STS: variants seen among roughly 807,000 people sequenced by gnomAD.
STS encodes the protein steroid sulfatase.
Under a neutral mutation model 26.8 loss-of-function variants are expected in STS, and 7 were observed. That is an observed-to-expected ratio of 0.26 (90% confidence interval 0.15 to 0.49). The LOEUF is 0.49. Ranked by LOEUF, STS falls within the 20% of genes least tolerant of loss-of-function variation. STS has a pLI of 0.98. For synonymous variants in STS, 199 were observed against 189.4 expected, an observed-to-expected ratio of 1.05 and a Z score of -0.42; for missense variants, 434 against 465.6, an observed-to-expected ratio of 0.93 and a Z score of 0.63.
chrX:7,333,512 C>T (rs1194534254), intron 9 of STS, among the ~76,000 whole-genome samples: 1 of 112,208 alleles, frequency 8.9e-6, no homozygotes, highest in Non-Finnish European at 1.9e-5. Context: ...CAAGTTGCCT[C>T]ATGCAATATA....
At chrX:7,234,834 C>CAATATAAGTTTCAATATATA (rs2147062971) in intron 2 of STS, among the ~76,000 whole-genome samples, 1 of 112,135 alleles carries the variant, frequency 8.9e-6, no homozygotes, top group East Asian at 2.8e-4. Context: ...ATATATGTTT[C>CAATATAAGTTTCAATATATA]TAGACGTGTT....
chrX:7,152,241 C>T (rs183539530), intron 1 of STS, among the ~76,000 whole-genome samples: 8 of 112,158 alleles, frequency 7.1e-5, no homozygotes, highest in Non-Finnish European at 9.4e-5. Flanking sequence ...CGTGAGCCAC[C>T]ACGCCCGGCC....
At chrX:7,318,619 A>G (rs1926825827) in intron 8 of STS, among the ~76,000 whole-genome samples, 1 of 111,792 alleles carries the variant, frequency 8.9e-6, no homozygotes, top group Non-Finnish European at 1.9e-5. Context: ...ACTCAGAACT[A>G]TTAATACAAG....
At chrX:7,235,567 T>C (rs1354260135) in intron 2 of STS, among the ~76,000 whole-genome samples, 2 of 111,820 alleles carry the variant, frequency 1.8e-5, no homozygotes, top group Non-Finnish European at 3.8e-5. Context: ...GCCCAGGAGT[T>C]CAGGACCAGC....
At chrX:7,245,458 C>T (rs1230292972) in intron 2 of STS, among the ~76,000 whole-genome samples, 2 of 112,043 alleles carry the variant, frequency 1.8e-5, no homozygotes, top group Non-Finnish European at 3.8e-5. Context: ...CTCAACCAGC[C>T]CCTGCTCACA....
chrX:7,323,453 C>G (rs1408074861), intron 8 of STS, among the ~76,000 whole-genome samples: 2 of 111,272 alleles, frequency 1.8e-5, no homozygotes, highest in African/African-American at 3.3e-5. Context: ...TTAGCTCCCA[C>G]TTATAAGTAA....
At chrX:7,162,951 G>A (rs1179719124) in intron 1 of STS, among the ~76,000 whole-genome samples, 1 of 105,551 alleles carries the variant, frequency 9.5e-6, no homozygotes, top group Non-Finnish European at 1.9e-5. Context: ...CGGCTACTCA[G>A]GAGGCTGAGG....
At chrX:7,169,268 C>T (rs1286031782) in intron 1 of STS, among the ~76,000 whole-genome samples, 1 of 111,944 alleles carries the variant, frequency 8.9e-6, no homozygotes, top group African/African-American at 3.2e-5. Flanking sequence ...TCTGGGGGCT[C>T]AGTGCTCTCC....
Position 7,322,085 on chromosome X carries a change from C to T in STS, c.1082-3254C>T, listed in dbSNP as rs755594148. 3.3e-4 allele frequency among the ~76,000 whole-genome samples: 37 copies of T among 112,633 alleles called. No individual in the cohort carries two copies. The South Asian group carries it at 0.012, about 36-fold the overall frequency. On this transcript the variant is annotated intron_variant, in intron 8 of 10. Coordinates refer to ENST00000674429, the MANE Select transcript of STS (RefSeq NM_001320752.2). ...AAAGGCACACAAATTTATTCACGTG[C>T]GTGGAGCCTTACAAAATAGATCTCA...
At chrX:7,328,273 A>C (rs1386567965) in intron 9 of STS, among the ~76,000 whole-genome samples, 1 of 111,814 alleles carries the variant, frequency 8.9e-6, no homozygotes, top group Non-Finnish European at 1.9e-5. Flanking sequence ...TTTTCTACCC[A>C]GTGGGGGAAA....
upstream of STS, among the ~76,000 whole-genome samples, chrX:7,147,556 A>T (rs746796643): frequency 3.4e-4 from 38 of 112,299 alleles, no homozygotes; most frequent in South Asian, 0.013. Context: ...ACCATGCAGG[A>T]TGCTACCATC....
At position 7,325,421 on chromosome X, in the gene STS, G is replaced by T. The variant is rs752171005; in HGVS notation, c.1164G>T (p.Lys388Asn). The change falls in exon 9 of 11, where the codon AAG becomes AAT. Residue 388 changes from lysine to asparagine, a missense_variant. This residue lies in a region of STS where 205 missense variants were observed against 177.3 expected (regional missense o/e 1.16). Transcript: ENST00000674429. ...RWPRVIQAGQ[K>N]IDEPTSNMDI... ...CCAGGGTGATACAGGCTGGCCAGAAGATTGATGAGCCCACTAGCAACATGG... is the reference window on the plus strand; with the variant it reads ...CCAGGGTGATACAGGCTGGCCAGAATATTGATGAGCCCACTAGCAACATGG... 5.8e-6 allele frequency: 7 copies of T among 1,211,603 alleles called. No homozygotes were observed. Among genetic ancestry groups the T allele is most frequent in the East Asian group, 3.0e-5 (1 of 33,800 alleles).
intron 3 of STS, among the ~76,000 whole-genome samples, chrX:7,256,513 C>T (rs1452046094): frequency 9.0e-6 from 1 of 111,334 alleles, no homozygotes; most frequent in Non-Finnish European, 1.9e-5. Context: ...GGCAGGGGCT[C>T]ATTAAAGCTG....
At chrX:7,167,982 C>T (rs138861386) in intron 1 of STS, among the ~76,000 whole-genome samples, 6 of 111,655 alleles carry the variant, frequency 5.4e-5, no homozygotes, top group African/African-American at 1.3e-4. Flanking sequence ...GCATGAGCCA[C>T]CATGCCTGGT....
intron 7 of STS, among the ~76,000 whole-genome samples, chrX:7,288,622 G>T (rs911900273): frequency 4.0e-5 from 4 of 100,660 alleles, no homozygotes; most frequent in Admixed American, 1.1e-4. Flanking sequence ...TATTTCATCT[G>T]TGGAGGAAAT....
chrX:7,230,801 C>T (rs1027940287), intron 2 of STS, among the ~76,000 whole-genome samples: 6 of 111,908 alleles, frequency 5.4e-5, no homozygotes, highest in African/African-American at 2.0e-4. Context: ...TCTCCCTCAA[C>T]ACCTGGGGAT....
rs189153417 is a variant in STS at position 7,226,131 on chromosome X, C to T, written c.-4-27065C>T. Reference sequence around the variant, plus strand: ...GAGCATGTCCATTATCATCTCAGAACGTTCCTGTTGCCCCTCTCTAATCAA... The same window carrying T: ...GAGCATGTCCATTATCATCTCAGAATGTTCCTGTTGCCCCTCTCTAATCAA... On this transcript the variant is annotated intron_variant, in intron 2 of 10. Transcript: ENST00000674429. Among the ~76,000 whole-genome samples, 3 of 112,294 alleles carry T rather than the reference C, an allele frequency of 2.7e-5. No homozygotes were observed. In the Admixed American group the frequency reaches 2.8e-4, roughly 11 times the overall value.
intron 2 of STS, among the ~76,000 whole-genome samples, chrX:7,203,605 A>C (rs1210443517): frequency 8.9e-6 from 1 of 111,943 alleles, no homozygotes; most frequent in Non-Finnish European, 1.9e-5. Flanking sequence ...TGTTTATAAA[A>C]GTAAGTAGAA....
intron 9 of STS, among the ~76,000 whole-genome samples, chrX:7,328,408 T>C (rs990651547): frequency 1.8e-5 from 2 of 111,551 alleles, no homozygotes; most frequent in Admixed American, 1.9e-4. Flanking sequence ...TTCTATGTGC[T>C]CAATGAAGAA....
Sources: gnomAD v4.1 joint callset for allele counts (sites outside exome capture counted in the v4.1 genomes callset) on GRCh38, gnomAD v4.1.1 for gene constraint, gnomAD v4.1.1 regional missense constraint, MANE v1.5 for transcripts, NCBI Gene and HGNC (gene_info 2026-07-23, HGNC 2026-07-21) for gene names.